Variants in CDH20 observed in about 807,000 individuals in gnomAD.
The protein encoded by CDH20 is cadherin 20, also known as cadherin-20.
In CDH20, 29 loss-of-function variants were observed where a neutral mutation model predicts 74.2. The ratio of observed to expected loss-of-function variants is 0.39; its 90% CI spans 0.29 to 0.53. The LOEUF (loss-of-function observed/expected upper bound fraction) is 0.53, where lower values mean the gene tolerates loss of function less well. Ranked by LOEUF, CDH20 falls within the 20% of genes least tolerant of loss-of-function variation. The pLI is 0.69. For synonymous variants in CDH20, 469 were observed against 405.4 expected (o/e 1.16, Z -1.88); for missense variants, 988 against 1,048.3 (o/e 0.94, Z 0.79).
intron 4 of CDH20, among the ~76,000 whole-genome samples, chr18:61,501,624 AT>A (rs531042516): frequency 6.6e-6 from 1 of 152,176 alleles, no homozygotes; most frequent in Admixed American, 6.5e-5. Flanking sequence ...ACCTGATCGA[AT>A]TTTTTTCCCA....
chr18:61,505,932 GCTATA>G (rs1911545367), intron 5 of CDH20, among the ~76,000 whole-genome samples: 1 of 151,984 alleles, frequency 6.6e-6, no homozygotes, highest in Admixed American at 6.6e-5. Flanking sequence ...ACCTATCTTG[GCTATA>G]CTCTTATGCC....
intron 7 of CDH20, among the ~76,000 whole-genome samples, chr18:61,535,119 C>A (rs910108492): frequency 1.3e-5 from 2 of 151,842 alleles, no homozygotes; most frequent in Admixed American, 6.6e-5. Flanking sequence ...AGTTTGAGAC[C>A]CGACTGGCCA....
rs1022445380 is a variant in CDH20 at position 61,475,618 on chromosome 18, A to G, written c.-152-14784A>G. Among the ~76,000 whole-genome samples, 4 of 152,324 alleles carry G rather than the reference A, an allele frequency of 2.6e-5. No individual in the cohort carries two copies. In the East Asian group the frequency reaches 5.8e-4, roughly 22 times the overall value. On this transcript the variant is annotated intron_variant, in intron 1 of 11. Coordinates refer to ENST00000262717, the MANE Select transcript of CDH20 (RefSeq NM_031891.4). ...TTTGGAAAAATCTCAATGCTTAGTG[A>G]CCATGACTTTAGACATCCTTAAAAG...
chr18:61,506,789 G>A (rs1000612907), intron 5 of CDH20, among the ~76,000 whole-genome samples: 2 of 152,144 alleles, frequency 1.3e-5, no homozygotes, highest in African/African-American at 4.8e-5. Context: ...GAGGCAGGCT[G>A]GGGCAGTCTG....
chr18:61,477,713 A>T (rs1023140378), intron 1 of CDH20, among the ~76,000 whole-genome samples: 1 of 152,152 alleles, frequency 6.6e-6, no homozygotes, highest in Admixed American at 6.5e-5. Flanking sequence ...TCCATCAGTA[A>T]TTTTAAAGAC....
chr18:61,488,092 A>ATATATG (rs1042246451), intron 1 of CDH20, among the ~76,000 whole-genome samples: 6 of 151,170 alleles, frequency 4.0e-5, no homozygotes, highest in African/African-American at 1.5e-4. Context: ...ATATATATAT[A>ATATATG]TATGTACGTA....
At chr18:61,452,767 G>A (rs907043240) in intron 1 of CDH20, among the ~76,000 whole-genome samples, 10 of 152,100 alleles carry the variant, frequency 6.6e-5, no homozygotes, top group Non-Finnish European at 1.2e-4. Context: ...GAAGCAATGA[G>A]CCAAGTTCTG....
At chr18:61,339,681 AT>A (rs898945778) in intron 1 of CDH20, among the ~76,000 whole-genome samples, 257 of 88,416 alleles carry the variant, frequency 2.9e-3, no homozygotes, top group Admixed American at 4.1e-3. Flanking sequence ...GGTCATAGAA[AT>A]TTTTTTTTTT....
chr18:61,442,700 G>A (rs753152105), intron 1 of CDH20, among the ~76,000 whole-genome samples: 2 of 152,152 alleles, frequency 1.3e-5, no homozygotes, highest in Non-Finnish European at 2.9e-5. Context: ...GGATTAGAGG[G>A]AGCAGTGAAA....
intron 1 of CDH20, among the ~76,000 whole-genome samples, chr18:61,451,119 T>C (rs1055581522): frequency 6.6e-6 from 1 of 152,000 alleles, no homozygotes; most frequent in Admixed American, 6.6e-5. Context: ...CAATTTTCTG[T>C]TATTTATAAC....
intron 1 of CDH20, among the ~76,000 whole-genome samples, chr18:61,342,541 TGGAACA>T (rs1909986989): frequency 6.6e-6 from 1 of 152,216 alleles, no homozygotes; most frequent in South Asian, 2.1e-4. Flanking sequence ...GCAAATTCTT[TGGAACA>T]GGAAGTCCCC....
intron 1 of CDH20, among the ~76,000 whole-genome samples, chr18:61,395,453 C>T (rs576324686): frequency 2.0e-5 from 3 of 152,266 alleles, no homozygotes; most frequent in African/African-American, 7.2e-5. Flanking sequence ...TTGGTCGATG[C>T]CTTCCATACA....
intron 1 of CDH20, among the ~76,000 whole-genome samples, chr18:61,396,405 CT>C (rs138701800): frequency 1.3e-5 from 2 of 151,062 alleles, no homozygotes; most frequent in Non-Finnish European, 3.0e-5. Flanking sequence ...CCTGTTCATC[CT>C]TTTTTTTTAA....
At chr18:61,531,163 C>T (rs1912621683) in intron 7 of CDH20, among the ~76,000 whole-genome samples, 1 of 152,220 alleles carries the variant, frequency 6.6e-6, no homozygotes, top group Admixed American at 6.5e-5. Context: ...AATTCTGGCC[C>T]CATTGGGGAA....
At chr18:61,380,841 G>GA (rs1028104424) in intron 1 of CDH20, among the ~76,000 whole-genome samples, 3 of 152,102 alleles carry the variant, frequency 2.0e-5, no homozygotes, top group African/African-American at 7.2e-5. Flanking sequence ...TCAAGATTTA[G>GA]AAAAAAGTCA....
At chr18:61,529,320 G>A (rs964152261) in intron 7 of CDH20, among the ~76,000 whole-genome samples, 1 of 152,158 alleles carries the variant, frequency 6.6e-6, no homozygotes, top group Non-Finnish European at 1.5e-5. Flanking sequence ...CTCTCACCTA[G>A]TGCTGTTTTG....
At chr18:61,482,326 G>T (rs940615566) in intron 1 of CDH20, among the ~76,000 whole-genome samples, 1 of 152,146 alleles carries the variant, frequency 6.6e-6, no homozygotes, top group Admixed American at 6.5e-5. Context: ...CCAACTTCCT[G>T]CCCTAACCCA....
intron 2 of CDH20, among the ~76,000 whole-genome samples, chr18:61,495,689 G>A (rs1911112847): frequency 6.6e-6 from 1 of 152,176 alleles, no homozygotes; most frequent in African/African-American, 2.4e-5. Flanking sequence ...CAAACCTGCA[G>A]ATGCCAGAAT....
At chr18:61,385,059 T>C (rs1160891287) in intron 1 of CDH20, among the ~76,000 whole-genome samples, 7 of 152,124 alleles carry the variant, frequency 4.6e-5, no homozygotes, top group Admixed American at 3.3e-4. Context: ...ATAATTAACG[T>C]TTAGAAACGC....
Sources: gnomAD v4.1 joint callset for allele counts (sites outside exome capture counted in the v4.1 genomes callset) on GRCh38, gnomAD v4.1.1 for gene constraint, MANE v1.5 for transcripts, NCBI Gene and HGNC (gene_info 2026-07-23, HGNC 2026-07-21) for gene names.